CPN1: variants seen among roughly 807,000 people sequenced by gnomAD.
The protein encoded by CPN1 is carboxypeptidase N catalytic chain.
In CPN1, 37 loss-of-function variants were observed where a neutral mutation model predicts 46.4. That is an observed-to-expected ratio of 0.80 (90% CI 0.61 to 1.05). CPN1 has a LOEUF of 1.05. Among genes scored for constraint, CPN1 ranks in the 50% least tolerant of loss-of-function variants. The pLI is 0.00. For synonymous variants in CPN1, 224 were observed against 235.4 expected (o/e 0.95, Z 0.44); for missense variants, 563 against 602.6 (o/e 0.93, Z 0.69).
At chr10:100,057,651 C>T (rs1042885144) in intron 5 of CPN1, among the ~76,000 whole-genome samples, 4 of 151,866 alleles carry the variant, frequency 2.6e-5, no homozygotes, top group African/African-American at 7.3e-5. Flanking sequence ...ATGAATGAAG[C>T]GAATAAATTT....
At chr10:100,081,311 G>A (rs969871024) in intron 1 of CPN1, 92 bp downstream of exon 1, 5 of 1,129,402 alleles carry the variant, frequency 4.4e-6, no homozygotes, top group Non-Finnish European at 5.2e-6. Flanking sequence ...AGGCGGAGGC[G>A]TCCACGGACC....
At chr10:100,055,256 ATGT>A (rs1435227948) in intron 6 of CPN1, among the ~76,000 whole-genome samples, 1 of 151,734 alleles carries the variant, frequency 6.6e-6, no homozygotes, top group Non-Finnish European at 1.5e-5. Flanking sequence ...AAAATTTGTA[ATGT>A]TGTGCGACCA....
chr10:100,074,040 C>G lies in CPN1; in HGVS notation c.420+1871G>C, dbSNP rs529438715. Among the ~76,000 whole-genome samples, 65 of 152,282 alleles carry G rather than the reference C, an allele frequency of 4.3e-4. 1 individual carries two copies. In the South Asian group the frequency reaches 0.013, roughly 31 times the overall value. ...TTGATTACACTGGGCCCCATCCCCC[C>G]CCCACAATACTCCAGGTTATTTTAA... On this transcript the variant is annotated intron_variant, in intron 2 of 8. Coordinates refer to ENST00000370418, the MANE Select transcript of CPN1 (RefSeq NM_001308.3).
chr10:100,046,836 G>C (rs2041315830), intron 8 of CPN1, among the ~76,000 whole-genome samples: 1 of 151,964 alleles, frequency 6.6e-6, no homozygotes, highest in Non-Finnish European at 1.5e-5. Context: ...CACTTTGGGA[G>C]GCCGAGGTGG....
intron 8 of CPN1, among the ~76,000 whole-genome samples, chr10:100,042,951 A>G (rs2041286408): frequency 6.6e-6 from 1 of 151,928 alleles, no homozygotes; most frequent in South Asian, 2.1e-4. Context: ...GAAATTAGCC[A>G]GGTGTGGTGG....
At chr10:100,054,247 C>T (rs2041372418) in intron 7 of CPN1, 100 bp downstream of exon 7, 2 of 899,504 alleles carry the variant, frequency 2.2e-6, no homozygotes, top group Non-Finnish European at 3.7e-6. Flanking sequence ...TCCTTGACAC[C>T]CCTGCTGGTT....
Position 100,055,420 on chromosome 10 carries a change from G to C in CPN1, c.1012-974C>G, listed in dbSNP as rs544052449. On this transcript the variant is annotated intron_variant, in intron 6 of 8. Transcript: ENST00000370418. ...ATCTCTATAATTTTGACTACTCTAAGTACCTAATATAAGTGGAATAATACA... is the reference window on the plus strand; with the variant it reads ...ATCTCTATAATTTTGACTACTCTAACTACCTAATATAAGTGGAATAATACA... Among the ~76,000 whole-genome samples, 101 of 148,844 alleles carry C rather than the reference G, an allele frequency of 6.8e-4. 1 individual carries two copies. The South Asian group carries it at 0.02, about 30-fold the overall frequency.
chr10:100,065,436 G>A, intron 3 of CPN1, 66 bp from the exon 4 acceptor site: 1 of 1,579,896 alleles, frequency 6.3e-7, no homozygotes, highest in East Asian at 2.3e-5. Context: ...GGCGGTTAGA[G>A]TAAGTCTGTC....
chr10:100,069,279 T>C (rs1028292290), intron 3 of CPN1, among the ~76,000 whole-genome samples: 17 of 152,118 alleles, frequency 1.1e-4, no homozygotes, highest in African/African-American at 3.9e-4. Flanking sequence ...GTCAGGAGTT[T>C]GAGACCAGCC....
At chr10:100,049,290 T>A (rs534760173) in intron 7 of CPN1, among the ~76,000 whole-genome samples, 4 of 146,274 alleles carry the variant, frequency 2.7e-5, no homozygotes, top group South Asian at 2.2e-4. Flanking sequence ...AGTCTCACTC[T>A]GTCACTCTGT....
chr10:100,065,991 T>C (rs941275305), intron 3 of CPN1, among the ~76,000 whole-genome samples: 14 of 151,654 alleles, frequency 9.2e-5, no homozygotes, highest in Non-Finnish European at 1.8e-4. Flanking sequence ...GATCTTACTC[T>C]GTCACCCAGA....
intron 7 of CPN1, among the ~76,000 whole-genome samples, chr10:100,050,981 T>C (rs1192596798): frequency 6.6e-6 from 1 of 152,058 alleles, no homozygotes; most frequent in Non-Finnish European, 1.5e-5. Flanking sequence ...CAGTGGCTCA[T>C]ACCACTGCAC....
At position 100,042,281 on chromosome 10, in the gene CPN1, C is replaced by T. The variant is rs541490579; in HGVS notation, c.*146G>A. On this transcript the variant is annotated 3_prime_UTR_variant, in exon 9 of 9. Coordinates refer to ENST00000370418, the MANE Select transcript of CPN1 (RefSeq NM_001308.3). ...TTCATGATGACCTAGAGATGGCTTACCCCTGGAACAGATGGAGACCATTCT... is the reference window on the plus strand; with the variant it reads ...TTCATGATGACCTAGAGATGGCTTATCCCTGGAACAGATGGAGACCATTCT... The T allele has an allele frequency of 1.8e-6, 2 of 1,126,010 alleles. No homozygotes were observed. Among genetic ancestry groups the T allele is most frequent in the African/African-American group, 3.1e-5 (2 of 65,388 alleles). 69.8% of individuals were successfully genotyped at this position (1,126,010 alleles called of 1,614,324 possible). A position where few individuals can be genotyped will look rare whatever the true frequency, so the allele number is the denominator to read the frequency against.
At chr10:100,076,149 T>C (rs1011394805) in intron 1 of CPN1, 42 bp from the exon 2 acceptor site, 7 of 1,593,912 alleles carry the variant, frequency 4.4e-6, no homozygotes, top group Admixed American at 1.7e-5. Flanking sequence ...GGAAGTGTCA[T>C]TGATGCCTAA....
At chr10:100,072,184 TTTTTG>T (rs2133445083) in intron 2 of CPN1, among the ~76,000 whole-genome samples, 1 of 152,268 alleles carries the variant, frequency 6.6e-6, no homozygotes, top group East Asian at 1.9e-4. Flanking sequence ...TTTGTTTTTG[TTTTTG>T]TTTTGAGACA....
In CPN1 at chr10:100,048,851, C is replaced by A. The variant is rs761091093; in HGVS notation, c.1137G>T (p.Leu379=). The change falls in exon 8 of 9, where the codon CTG becomes CTT. Residue 379 remains leucine (L), a synonymous_variant. Transcript: ENST00000370418. The stretch of plus-strand genomic sequence containing the variant: ...TAACAGTGTAGATACCTGGAAGCAG[C>A]AGCCGGAAGTAATCACCATGGTCAC... The part of the protein sequence containing the change: ...TSGDHGDYFR[L]LLPGIYTVSA... The A allele has an allele frequency of 3.0e-5, 48 of 1,613,554 alleles. No individual in the cohort carries two copies. Among genetic ancestry groups the A allele is most frequent in the Non-Finnish European group, 3.9e-5 (46 of 1,179,646 alleles).
At chr10:100,054,088 AGTCTTT>A (rs2041370980) in intron 7 of CPN1, among the ~76,000 whole-genome samples, 1 of 152,216 alleles carries the variant, frequency 6.6e-6, no homozygotes, top group African/African-American at 2.4e-5. Context: ...CATTTACATC[AGTCTTT>A]CCTGGTCCTG....
chr10:100,056,612 C>G (rs528243202), intron 6 of CPN1, among the ~76,000 whole-genome samples: 6 of 152,244 alleles, frequency 3.9e-5, no homozygotes, highest in Non-Finnish European at 8.8e-5. Flanking sequence ...ATGGCATGAT[C>G]ACAGCACACT....
intron 7 of CPN1, among the ~76,000 whole-genome samples, chr10:100,050,147 G>A (rs1202729456): frequency 6.6e-6 from 1 of 152,144 alleles, no homozygotes; most frequent in Non-Finnish European, 1.5e-5. Context: ...GAGGTCAGGA[G>A]TTTGAGACCA....
Sources: gnomAD v4.1 joint callset for allele counts (sites outside exome capture counted in the v4.1 genomes callset) on GRCh38, gnomAD v4.1.1 for gene constraint, MANE v1.5 for transcripts, NCBI Gene and HGNC (gene_info 2026-07-23, HGNC 2026-07-21) for gene names.